The following C2 variants were observed in gnomAD, a reference collection of about 807,000 sequenced individuals.
C2 encodes the protein C3/C5 convertase.
In C2, 64 loss-of-function variants were observed where a neutral mutation model predicts 85.2. That is an observed-to-expected ratio of 0.75 (90% confidence interval 0.61 to 0.92). The LOEUF (loss-of-function observed/expected upper bound fraction) is 0.92, where lower values mean the gene tolerates loss of function less well. C2 is among the 40% of genes least tolerant of loss of function. C2 has a pLI of 0.00. For missense variants in C2, 820 were observed against 971.6 expected (o/e 0.84, Z 2.07); for synonymous variants, 311 against 370.8 (o/e 0.84, Z 1.85).
chr6:31,898,093 T>C (rs1766826262), upstream of C2, among the ~76,000 whole-genome samples: 1 of 152,214 alleles, frequency 6.6e-6, no homozygotes, highest in African/African-American at 2.4e-5. Flanking sequence ...TGGCCTCGCC[T>C]TTTTGCTCTT....
At chr6:31,939,918 AGGT>A (rs1325556284) in intron 9 of C2, among the ~76,000 whole-genome samples, 1 of 152,056 alleles carries the variant, frequency 6.6e-6, no homozygotes, top group African/African-American at 2.4e-5. Context: ...CTGGGATTAC[AGGT>A]GTGTGCCACC....
chr6:31,911,544 C>G lies in C2; in HGVS notation c.73+10405C>G, dbSNP rs371055841. 1.1e-3 allele frequency among the ~76,000 whole-genome samples: 174 copies of G among 151,636 alleles called. 3 individuals are homozygous for G. In the Middle Eastern group the frequency reaches 0.017, roughly 15 times the overall value. On this transcript the variant is annotated intron_variant, in intron 1 of 3. Transcript: ENST00000452202. ...TTGAAGATTACATGCTTCTTGAAAT[C>G]AGCATGCACATGAGTCATCTGGAGT...
At chr6:31,932,989 G>A (rs1238560808) in intron 3 of C2, among the ~76,000 whole-genome samples, 5 of 152,228 alleles carry the variant, frequency 3.3e-5, no homozygotes, top group Admixed American at 6.5e-5. Context: ...GGCGGCGCGC[G>A]CCTGCAATCG....
At chr6:31,900,458 C>G (rs1422942266), upstream of C2, 1 of 1,585,806 alleles carries the variant, frequency 6.3e-7, no homozygotes, top group Non-Finnish European at 8.6e-7. This position sits in a 1 kb window ranked among gnomAD's most constrained non-coding sequence, Gnocchi z 9.7. Context: ...GGCCCGGCCT[C>G]CGGGAATCAA....
rs1771078559 is a variant in C2, at chr6:31,943,574, C to G, written c.1567+47C>G. 1 of 1,608,340 alleles carries G rather than the reference C, an allele frequency of 6.2e-7. No individual in the cohort carries two copies. The highest frequency in any genetic ancestry group is 2.2e-5 in the East Asian group (1 of 44,880). ...CCTCCTGATCCTGAAGCCACAGATC[C>G]TACCACCTCACCCAGCCTCTGGCCC... On this transcript the variant is annotated intron_variant, in intron 12 of 17. Coordinates refer to ENST00000299367, the MANE Select transcript of C2 (RefSeq NM_000063.6). This position sits in a 1 kb window ranked among gnomAD's most constrained non-coding sequence, Gnocchi z 6.4.
At position 31,944,369 on chromosome 6, in the gene C2, T is replaced by C. The variant is rs915717984; in HGVS notation, c.1902+143T>C. ...GCCTCACAAACCTGCTAGGTGTCCC[T>C]GGGTCTGCTTATTCTTTTTTTGTTG... is the stretch of plus-strand genomic sequence containing the variant. On this transcript the variant is annotated intron_variant, in intron 15 of 17. Transcript: ENST00000299367. This position sits in a 1 kb window ranked among gnomAD's most constrained non-coding sequence, Gnocchi z 5.1. 1 of 699,442 alleles carries C rather than the reference T, an allele frequency of 1.4e-6. No individual in the cohort carries two copies. Among genetic ancestry groups the C allele is most frequent in the South Asian group, 1.6e-5 (1 of 63,950 alleles). 43.3% of individuals were successfully genotyped at this position (699,442 alleles called of 1,614,324 possible).
Position 31,933,634 on chromosome 6 carries a change from T to A in C2, c.467T>A (p.Ile156Asn). The A allele has an allele frequency of 6.2e-7, 1 of 1,613,088 alleles. No homozygotes were observed. Among genetic ancestry groups the A allele is most frequent in the Non-Finnish European group, 8.5e-7 (1 of 1,180,028 alleles). ...GCTGGCCACTGCCCCAACCCAGGCA[T>A]TTCACTGGGCGCAGTGCGGACAGGC... is the stretch of plus-strand genomic sequence containing the variant. The part of the protein sequence containing the change: ...NGAGHCPNPG[I>N]SLGAVRTGFR... Residue 156 changes from isoleucine to asparagine, a missense_variant, in exon 4 of 18, where the codon ATT becomes AAT. By Grantham distance (149) the Ile-to-Asn change is moderately radical. Transcript: ENST00000299367.
Position 31,943,922 on chromosome 6 carries a change from T to A in C2, c.1739T>A (p.Ile580Asn). 6.2e-7 allele frequency: 1 copy of A among 1,612,864 alleles called. No individual in the cohort carries two copies. Among genetic ancestry groups the A allele is most frequent in the Non-Finnish European group, 8.5e-7 (1 of 1,179,990 alleles). Reference protein sequence around the residue: ...KVKMSTHARPICLPCTMEANL... With the variant: ...KVKMSTHARPNCLPCTMEANL... Reference sequence around the variant, plus strand: ...ACCCTTGCTCTTCTCCCCAGGCCCATCTGCCTTCCCTGCACGATGGAGGCC... The same window carrying A: ...ACCCTTGCTCTTCTCCCCAGGCCCAACTGCCTTCCCTGCACGATGGAGGCC... Residue 580 changes from isoleucine (I) to asparagine (N), a missense_variant, in exon 14 of 18, where the codon ATC becomes AAC. By Grantham distance (149) the Ile-to-Asn change is moderately radical (BLOSUM62 -3). Coordinates refer to ENST00000299367, the MANE Select transcript of C2 (RefSeq NM_000063.6). This position sits in a 1 kb window ranked among gnomAD's most constrained non-coding sequence, Gnocchi z 6.4.
At chr6:31,901,005 C>T in exon 1 of C2, 1 of 1,614,196 alleles carries the variant, frequency 6.2e-7, no homozygotes, top group Non-Finnish European at 8.5e-7. Flanking sequence ...AGGTAGTTGA[C>T]GATGTCCCTA....
rs755079799 is a variant in C2 at position 31,943,938 on chromosome 6, G to C, written c.1755G>C (p.Thr585=). ...THARPICLPC[T]MEANLALRRP... ...CCAGGCCCATCTGCCTTCCCTGCAC[G>C]ATGGAGGCCAATCTGGCTCTGCGGA... Residue 585 remains threonine, a synonymous_variant, in exon 14 of 18, where the codon ACG becomes ACC. Transcript: ENST00000299367. The surrounding 1 kb of genome is among the most constrained non-coding windows in gnomAD (Gnocchi z 6.4). The C allele has an allele frequency of 1.2e-6, 2 of 1,612,802 alleles. No homozygotes were observed. The highest frequency in any genetic ancestry group is 1.3e-5 in the African/African-American group (1 of 74,910).
At chr6:31,934,021 C>T (rs1562597671) in intron 5 of C2, 56 bp downstream of exon 5, 1 of 1,563,856 alleles carries the variant, frequency 6.4e-7, no homozygotes, top group African/African-American at 1.4e-5. Flanking sequence ...TGGGCCGGAG[C>T]AAGGGAGGAT....
Position 31,935,845 on chromosome 6 carries a change from G to A in C2, c.850-78G>A, listed in dbSNP as rs562386749. The stretch of plus-strand genomic sequence containing the variant: ...CACTCCAGTTTCTCTGCCTCCTCCA[G>A]GGCCCTTTGTTTGCTCTCTTACCAT... On this transcript the variant is annotated intron_variant, in intron 6 of 17. Coordinates refer to ENST00000299367, the MANE Select transcript of C2 (RefSeq NM_000063.6). The surrounding 1 kb of genome is among the most constrained non-coding windows in gnomAD (Gnocchi z 4.3). 1.3e-4 allele frequency: 192 copies of A among 1,515,778 alleles called. 1 individual carries two copies. The East Asian group carries it at 4.3e-3, about 34-fold the overall frequency. 93.9% of individuals were successfully genotyped at this position (1,515,778 alleles called of 1,614,324 possible).
Position 31,928,055 on chromosome 6 carries a change from C to T in C2, c.147C>T (p.Tyr49=). 2 of 1,614,164 alleles carry T rather than the reference C, an allele frequency of 1.2e-6. No individual in the cohort carries two copies. The highest frequency in any genetic ancestry group is 1.3e-5 in the African/African-American group (1 of 75,032). ...HGWAPGSLLT[Y]SCPQGLYPSP... ...GGGCTCCTGGGAGCCTTCTCACCTA[C>T]TCCTGCCCCCAGGGCCTGTACCCAT... is the stretch of plus-strand genomic sequence containing the variant. Residue 49 remains tyrosine (Y), a synonymous_variant, in exon 2 of 18, where the codon TAC becomes TAT. Coordinates refer to ENST00000299367, the MANE Select transcript of C2 (RefSeq NM_000063.6).
intron 3 of C2, among the ~76,000 whole-genome samples, chr6:31,932,002 A>C (rs1769828339): frequency 1.9e-5 from 2 of 104,814 alleles, no homozygotes; most frequent in Non-Finnish European, 1.9e-5. Flanking sequence ...TGACCCCCCC[A>C]CCTCCCTCCC....
chr6:31,930,559 A>C (rs1442849293), intron 3 of C2, among the ~76,000 whole-genome samples: 1 of 152,150 alleles, frequency 6.6e-6, no homozygotes, highest in African/African-American at 2.4e-5. Flanking sequence ...GTGAATGGTG[A>C]GGGGCTCTGC....
chr6:31,915,640 CA>C (rs1282593732), upstream of C2, among the ~76,000 whole-genome samples: 1 of 152,230 alleles, frequency 6.6e-6, no homozygotes, highest in Non-Finnish European at 1.5e-5. Flanking sequence ...CTCTGATCAT[CA>C]TAGTCACTCA....
chr6:31,911,803 T>C (rs1283250238), intron 1 of C2, among the ~76,000 whole-genome samples: 1 of 152,050 alleles, frequency 6.6e-6, no homozygotes, highest in Non-Finnish European at 1.5e-5. Flanking sequence ...CTAATTTTTG[T>C]ATTTTTAGTA....
upstream of C2, among the ~76,000 whole-genome samples, chr6:31,919,044 G>A (rs1035776444): frequency 4.0e-5 from 6 of 151,764 alleles, no homozygotes; most frequent in Admixed American, 3.9e-4. Context: ...TTTACAATAT[G>A]TTTGAAATTT....
chr6:31,932,534 C>T (rs41290355), intron 3 of C2: 1 of 203,906 alleles, frequency 4.9e-6, no homozygotes, highest in South Asian at 4.9e-5. Context: ...AGGGCAGAGA[C>T]GCTCCTCACT....
Sources: allele counts gnomAD v4.1 joint callset (sites outside exome capture counted in the v4.1 genomes callset), GRCh38; gene constraint gnomAD v4.1.1; non-coding constraint Gnocchi (gnomAD v3.1); transcripts MANE v1.5; gene names NCBI Gene and HGNC (gene_info 2026-07-23, HGNC 2026-07-21).